The following TEKT5 variants were observed in gnomAD, a reference collection of about 807,000 sequenced individuals.
TEKT5 encodes the protein tektin-5.
Under a neutral mutation model 48.7 loss-of-function variants are expected in TEKT5, and 52 were observed. That is an observed-to-expected ratio of 1.07 (90% CI 0.86 to 1.35). The LOEUF (loss-of-function observed/expected upper bound fraction) is 1.35, where lower values mean the gene tolerates loss of function less well. TEKT5 is among the 40% of genes most tolerant of loss of function. The pLI is 0.00. For missense variants in TEKT5, 831 were observed against 641.6 expected, an observed-to-expected ratio of 1.30 and a Z score of -3.19; for synonymous variants, 318 against 267.6, an observed-to-expected ratio of 1.19 and a Z score of -1.84.
At chr16:10,636,635 G>A (rs946076571) in intron 5 of TEKT5, among the ~76,000 whole-genome samples, 3 of 116,010 alleles carry the variant, frequency 2.6e-5, no homozygotes, top group Non-Finnish European at 5.2e-5. Flanking sequence ...TAATCTCTAA[G>A]CCAATCTCTA....
At chr16:10,689,889 G>A in intron 2 of TEKT5, 53 bp downstream of exon 2, 1 of 1,577,286 alleles carries the variant, frequency 6.3e-7, no homozygotes, top group Non-Finnish European at 8.7e-7. Context: ...TCTCTGACCT[G>A]CTGGCCTTCC....
chr16:10,648,180 C>T (rs1898099853), intron 5 of TEKT5, among the ~76,000 whole-genome samples: 1 of 152,232 alleles, frequency 6.6e-6, no homozygotes, highest in African/African-American at 2.4e-5. Flanking sequence ...AACAAGGGCA[C>T]AGGCACACAC....
chr16:10,635,800 G>A lies in TEKT5; in HGVS notation c.1205C>T (p.Pro402Leu), dbSNP rs1897903768. 3.1e-6 allele frequency: 5 copies of A among 1,614,036 alleles called. No individual in the cohort carries two copies. In the South Asian group the frequency reaches 3.3e-5, roughly 11 times the overall value. ...GATGTCCCTGCACAGCTCCATGTTGGGGCGCCGGGTCCGGCACTCCAGCCT... is the reference window on the plus strand; with the variant it reads ...GATGTCCCTGCACAGCTCCATGTTGAGGCGCCGGGTCCGGCACTCCAGCCT... Reference protein sequence around the residue: ...QTRLECRTRRPNMELCRDIPQ... With the variant: ...QTRLECRTRRLNMELCRDIPQ... Residue 402 changes from proline to leucine, a missense_variant, in exon 6 of 7, where the codon CCC becomes CTC. Pro to Leu is a moderately conservative substitution (Grantham distance 98). Coordinates refer to ENST00000283025, the MANE Select transcript of TEKT5 (RefSeq NM_144674.2).
intron 5 of TEKT5, among the ~76,000 whole-genome samples, chr16:10,664,015 C>T (rs537822786): frequency 1.3e-5 from 2 of 152,240 alleles, no homozygotes; most frequent in Non-Finnish European, 2.9e-5. Context: ...CGGGTAGAAG[C>T]TTTCTTGCCT....
chr16:10,686,852 G>A (rs887173680), intron 3 of TEKT5, among the ~76,000 whole-genome samples: 3 of 152,136 alleles, frequency 2.0e-5, no homozygotes, highest in Admixed American at 6.5e-5. Flanking sequence ...CATAACAGAT[G>A]AATGGATAAA....
At chr16:10,652,628 AC>A (rs1898180645) in intron 5 of TEKT5, among the ~76,000 whole-genome samples, 1 of 103,604 alleles carries the variant, frequency 9.7e-6, no homozygotes, top group African/African-American at 4.7e-5. Flanking sequence ...ACACACACAC[AC>A]ACACACACAC....
intron 4 of TEKT5, among the ~76,000 whole-genome samples, chr16:10,679,373 C>T (rs2142305243): frequency 6.6e-6 from 1 of 151,204 alleles, no homozygotes; most frequent in South Asian, 2.1e-4. Context: ...AGGAGAATCA[C>T]TTGAACCTGG....
chr16:10,689,930 G>A lies in TEKT5; in HGVS notation c.648+12C>T, dbSNP rs1405728697. The stretch of plus-strand genomic sequence containing the variant: ...CCTTCAGGGGGCTGGGCAGAACCAG[G>A]AGATGCCTTACCCGGATAAGGTTTT... On this transcript the variant is annotated intron_variant, in intron 2 of 6. Coordinates refer to ENST00000283025, the MANE Select transcript of TEKT5 (RefSeq NM_144674.2). The A allele has an allele frequency of 6.2e-7, 1 of 1,613,864 alleles. No homozygotes were observed. The highest frequency in any genetic ancestry group is 1.1e-5 in the South Asian group (1 of 91,048).
At position 10,647,808 on chromosome 16, in the gene TEKT5, T is replaced by C. The variant is rs116492735; in HGVS notation, c.1087-11890A>G. ...ATTCATTCATTCATCCACAGAGTCA[T>C]TGATTCATATGTCAGTGCAACAAAT... On this transcript the variant is annotated intron_variant, in intron 5 of 6. Transcript: ENST00000283025. Among the ~76,000 whole-genome samples the C allele has an allele frequency of 4.3e-3, 650 of 152,346 alleles. 5 individuals are homozygous for C. Among genetic ancestry groups the C allele is most frequent in the African/African-American group, 0.014 (590 of 41,568 alleles).
intron 5 of TEKT5, among the ~76,000 whole-genome samples, chr16:10,639,430 C>G (rs905478889): frequency 2.0e-5 from 3 of 152,150 alleles, no homozygotes; most frequent in African/African-American, 7.2e-5. Flanking sequence ...ATTAGACCAC[C>G]AGGGGCCAAA....
At chr16:10,657,220 G>A (rs1898276739) in intron 5 of TEKT5, among the ~76,000 whole-genome samples, 1 of 151,588 alleles carries the variant, frequency 6.6e-6, no homozygotes, top group South Asian at 2.1e-4. Context: ...CCGTTTGCCA[G>A]GTTCAAGCGA....
At chr16:10,679,410 T>C (rs970822912) in intron 4 of TEKT5, among the ~76,000 whole-genome samples, 22 of 149,912 alleles carry the variant, frequency 1.5e-4, no homozygotes, top group African/African-American at 5.2e-4. Context: ...TGAGCCGAGA[T>C]TGTGCCACTG....
intron 5 of TEKT5, among the ~76,000 whole-genome samples, chr16:10,662,378 T>C (rs745856853): frequency 3.0e-4 from 45 of 152,192 alleles, no homozygotes; most frequent in African/African-American, 1.1e-3. Context: ...AAGCTCAGAA[T>C]CTAGAGCAGG....
At position 10,656,220 on chromosome 16, in the gene TEKT5, G is replaced by T. The variant is rs540701324; in HGVS notation, c.1086+19739C>A. Among the ~76,000 whole-genome samples, 18 of 152,090 alleles carry T rather than the reference G, an allele frequency of 1.2e-4. No individual in the cohort carries two copies. In the South Asian group the frequency reaches 3.5e-3, roughly 30 times the overall value. ...CAACTACCCCCTAGAGGAAAAAATT[G>T]CCCCAGGTTGAGAACCACTGCTCTT... On this transcript the variant is annotated intron_variant, in intron 5 of 6. Transcript: ENST00000283025.
intron 2 of TEKT5, 103 bp from the exon 3 acceptor site, chr16:10,689,426 C>G: frequency 9.9e-7 from 1 of 1,005,264 alleles, no homozygotes; most frequent in South Asian, 1.4e-5. Flanking sequence ...ACTGACCACC[C>G]TCGACCCCAG....
chr16:10,659,764 A>T (rs1898330343), intron 5 of TEKT5, among the ~76,000 whole-genome samples: 2 of 152,340 alleles, frequency 1.3e-5, no homozygotes, highest in Admixed American at 1.3e-4. Flanking sequence ...TACGCTCATT[A>T]TTAGTGTTAC....
rs190037026 is a variant in TEKT5, at chr16:10,636,046, T to G, written c.1087-128A>C. ...CACTTAAGATACTCCTTCCCCGGCC[T>G]TGAGCACCTTTAGGGCAGGAAGCTC... On this transcript the variant is annotated intron_variant, in intron 5 of 6. Coordinates refer to ENST00000283025, the MANE Select transcript of TEKT5 (RefSeq NM_144674.2). The G allele has an allele frequency of 9.5e-4, 1,337 of 1,403,972 alleles. 21 individuals carry two copies. In the East Asian group the frequency reaches 0.027, roughly 28 times the overall value. The allele number at this position is 1,403,972 out of a possible 1,614,324, so 87.0% of individuals were successfully genotyped here.
intron 6 of TEKT5, among the ~76,000 whole-genome samples, chr16:10,628,488 G>A (rs1111491): frequency 0.58 from 88,392 of 152,098 alleles, 27,668 homozygotes; most frequent in Non-Finnish European, 0.71. Context: ...GAATGTTCAC[G>A]GCAGCCCTAT....
At chr16:10,666,110 C>G (rs1898451838) in intron 5 of TEKT5, among the ~76,000 whole-genome samples, 1 of 152,186 alleles carries the variant, frequency 6.6e-6, no homozygotes, top group African/African-American at 2.4e-5. Flanking sequence ...TGGTGGTGTG[C>G]ACCCATATAG....
Sources: gnomAD v4.1 joint callset for allele counts (sites outside exome capture counted in the v4.1 genomes callset) on GRCh38, gnomAD v4.1.1 for gene constraint, MANE v1.5 for transcripts, NCBI Gene and HGNC (gene_info 2026-07-23, HGNC 2026-07-21) for gene names.